Variants in RARB observed in about 807,000 individuals in gnomAD.
RARB encodes retinoic acid receptor beta, also known as HBV-activated protein.
RARB carries 17 observed loss-of-function variants against 51.9 expected under a neutral mutation model. That is an observed-to-expected ratio of 0.33 (90% CI 0.22 to 0.49). The LOEUF is 0.49. Among genes scored for constraint, RARB ranks in the 20% least tolerant of loss-of-function variants. RARB has a pLI of 0.99. For synonymous variants in RARB, 215 were observed against 195.4 expected, an observed-to-expected ratio of 1.10 and a Z score of -0.84; for missense variants, 369 against 550.8, an observed-to-expected ratio of 0.67 and a Z score of 3.30.
intron 5 of RARB, among the ~76,000 whole-genome samples, chr3:25,278,067 C>T (rs747751845): frequency 6.6e-6 from 1 of 152,090 alleles, no homozygotes; most frequent in Non-Finnish European, 1.5e-5. Context: ...ATATAGTGCT[C>T]AGTTCATGTG....
chr3:25,073,729 A>G (rs1412024892), intron 3 of RARB, among the ~76,000 whole-genome samples: 1 of 152,236 alleles, frequency 6.6e-6, no homozygotes, highest in Non-Finnish European at 1.5e-5. Flanking sequence ...ATGTTGAAAA[A>G]GAAACAAATA....
chr3:24,985,994 T>C (rs1165137170), intron 2 of RARB, among the ~76,000 whole-genome samples: 1 of 152,250 alleles, frequency 6.6e-6, no homozygotes, highest in African/African-American at 2.4e-5. Context: ...AAAATATTTA[T>C]GGGATTAAAT....
intron 2 of RARB, among the ~76,000 whole-genome samples, chr3:24,981,895 C>T (rs765949283): frequency 1.3e-5 from 2 of 152,140 alleles, no homozygotes; most frequent in African/African-American, 4.8e-5. Flanking sequence ...TAGACCAGAG[C>T]TATTCCTATT....
intron 3 of RARB, among the ~76,000 whole-genome samples, chr3:25,062,506 A>C (rs1698571464): frequency 6.6e-6 from 1 of 151,994 alleles, no homozygotes; most frequent in South Asian, 2.1e-4. Context: ...TTAAGTTCAC[A>C]TGATACATGT....
At chr3:25,063,200 G>C (rs541011001) in intron 3 of RARB, among the ~76,000 whole-genome samples, 1 of 151,972 alleles carries the variant, frequency 6.6e-6, no homozygotes, top group Non-Finnish European at 1.5e-5. Flanking sequence ...TATACCAATG[G>C]TGGTACCTGC....
intron 2 of RARB, among the ~76,000 whole-genome samples, chr3:24,915,981 C>T (rs1695099040): frequency 6.6e-6 from 1 of 152,074 alleles, no homozygotes; most frequent in South Asian, 2.1e-4. Flanking sequence ...CATTCAAGGC[C>T]TGAGTGGAGT....
At chr3:25,377,847 G>A (rs1317756684) in intron 5 of RARB, among the ~76,000 whole-genome samples, 4 of 152,118 alleles carry the variant, frequency 2.6e-5, no homozygotes, top group Non-Finnish European at 5.9e-5. Flanking sequence ...TGGGGAAAAT[G>A]AGGCCCTCAC....
At chr3:25,283,428 C>T (rs948057264) in intron 5 of RARB, among the ~76,000 whole-genome samples, 1 of 152,188 alleles carries the variant, frequency 6.6e-6, no homozygotes, top group Non-Finnish European at 1.5e-5. Flanking sequence ...TTCTCTATCT[C>T]GGGCCTGACC....
chr3:25,290,818 T>C (rs897887557), intron 5 of RARB, among the ~76,000 whole-genome samples: 1 of 152,182 alleles, frequency 6.6e-6, no homozygotes, highest in Admixed American at 6.5e-5. Flanking sequence ...GGCTTTTCCC[T>C]CTCTCTCCCC....
At chr3:25,476,964 T>C (rs1177276737) in intron 2 of RARB, among the ~76,000 whole-genome samples, 4 of 152,224 alleles carry the variant, frequency 2.6e-5, no homozygotes, top group African/African-American at 9.6e-5. Context: ...CTTGGCATGA[T>C]GTAGGCACTC....
chr3:25,283,113 G>C (rs372650033), intron 5 of RARB, among the ~76,000 whole-genome samples: 18 of 152,158 alleles, frequency 1.2e-4, no homozygotes, highest in African/African-American at 4.3e-4. Context: ...TTACCCATCT[G>C]AGTCTCCTGA....
intron 2 of RARB, among the ~76,000 whole-genome samples, chr3:25,468,671 G>A (rs1268645323): frequency 6.6e-6 from 1 of 152,018 alleles, no homozygotes; most frequent in Non-Finnish European, 1.5e-5. Context: ...ACAGATAGGG[G>A]CATATTTTTA....
chr3:25,195,224 T>C (rs1001723584), intron 5 of RARB, among the ~76,000 whole-genome samples: 1 of 151,970 alleles, frequency 6.6e-6, no homozygotes, highest in Non-Finnish European at 1.5e-5. Flanking sequence ...CCTGAAGATA[T>C]CCATTTCTTG....
At chr3:25,153,103 C>T (rs1193069457) in intron 4 of RARB, among the ~76,000 whole-genome samples, 1 of 151,444 alleles carries the variant, frequency 6.6e-6, no homozygotes, top group Non-Finnish European at 1.5e-5. Context: ...GTCCAACATT[C>T]ATAATCCAAA....
At chr3:25,117,281 C>T (rs745537362) in intron 3 of RARB, among the ~76,000 whole-genome samples, 1 of 152,080 alleles carries the variant, frequency 6.6e-6, no homozygotes, top group African/African-American at 2.4e-5. Flanking sequence ...GAATATGTAA[C>T]CAAATCTAAG....
In RARB at chr3:25,456,682, T is replaced by TATATATATAG. The variant is rs1491372969; in HGVS notation, c.158-4510_158-4509insTATATATAGA. Among the ~76,000 whole-genome samples the TATATATATAG allele has an allele frequency of 1.0e-4, 9 of 88,360 alleles. No individual in the cohort carries two copies. In the East Asian group the frequency reaches 2.2e-3, roughly 22 times the overall value. 58.0% of individuals were successfully genotyped at this position (88,360 alleles called of 152,430 possible). A position where few individuals can be genotyped will look rare whatever the true frequency, so the allele number is the denominator to read the frequency against. On this transcript the variant is annotated intron_variant, in intron 1 of 7. Coordinates refer to ENST00000330688, the MANE Select transcript of RARB (RefSeq NM_000965.5). Reference sequence around the variant, plus strand: ...TTGAATATATATATATATATATATATAGAGAGAGAGAGAGAGAGAGAGAGA... The same window carrying TATATATATAG: ...TTGAATATATATATATATATATATATATATATATAGAGAGAGAGAGAGAGAGAGAGAGAGA...
chr3:25,254,443 T>G (rs1231040126), intron 5 of RARB, among the ~76,000 whole-genome samples: 1 of 152,190 alleles, frequency 6.6e-6, no homozygotes, highest in Non-Finnish European at 1.5e-5. Flanking sequence ...CTAAATGAAC[T>G]AATAGCATTC....
chr3:25,198,141 T>C (rs547062654), intron 5 of RARB, among the ~76,000 whole-genome samples: 1 of 152,232 alleles, frequency 6.6e-6, no homozygotes, highest in South Asian at 2.1e-4. Flanking sequence ...TGAAATCATA[T>C]TCAGCAAAGC....
chr3:24,967,627 G>T (rs775715542), intron 2 of RARB, among the ~76,000 whole-genome samples: 19 of 152,100 alleles, frequency 1.2e-4, no homozygotes, highest in Non-Finnish European at 2.5e-4. Context: ...TTTATGAGCT[G>T]CTCTGCAGTC....
Sources: allele counts gnomAD v4.1 joint callset (sites outside exome capture counted in the v4.1 genomes callset), GRCh38; gene constraint gnomAD v4.1.1; transcripts MANE v1.5; gene names NCBI Gene and HGNC (gene_info 2026-07-23, HGNC 2026-07-21).